Variants in SH3RF3 observed in about 807,000 individuals in gnomAD.
The protein encoded by SH3RF3 is E3 ubiquitin-protein ligase SH3RF3.
A neutral mutation model predicts 66.3 loss-of-function variants in SH3RF3; 29 were observed. That is an observed-to-expected ratio of 0.44 (90% confidence interval 0.33 to 0.60). The LOEUF is 0.60. Ranked by LOEUF, SH3RF3 falls within the 20% of genes least tolerant of loss-of-function variation. The pLI is 0.04. For synonymous variants in SH3RF3, 583 were observed against 532.0 expected (o/e 1.10, Z -1.32); for missense variants, 1,194 against 1,190.9 (o/e 1.00, Z -0.04).
chr2:109,228,603 T>A lies in SH3RF3; in HGVS notation c.573+98490T>A, dbSNP rs575282996. ...AGGCTGCCTTCACTTCAGAGGCCAG[T>A]TGCAAGAGGTGTCTTCAGGTTACCT... On this transcript the variant is annotated intron_variant, in intron 1 of 9. Coordinates refer to ENST00000309415, the MANE Select transcript of SH3RF3 (RefSeq NM_001099289.3). Among the ~76,000 whole-genome samples, 4 of 152,304 alleles carry A rather than the reference T, an allele frequency of 2.6e-5. No individual in the cohort carries two copies. The South Asian group carries it at 8.3e-4, about 32-fold the overall frequency.
At chr2:109,487,283 C>G (rs892263521) in intron 8 of SH3RF3, among the ~76,000 whole-genome samples, 2 of 152,232 alleles carry the variant, frequency 1.3e-5, no homozygotes, top group Non-Finnish European at 2.9e-5. Context: ...GAGCCTCTCC[C>G]CGAGTACATG....
intron 4 of SH3RF3, among the ~76,000 whole-genome samples, chr2:109,402,236 G>C (rs933199751): frequency 3.3e-5 from 5 of 152,254 alleles, no homozygotes; most frequent in African/African-American, 4.8e-5. Flanking sequence ...CGTCTGACCA[G>C]GAAGTGCCTG....
At chr2:109,325,736 G>A (rs1464503726) in intron 1 of SH3RF3, among the ~76,000 whole-genome samples, 2 of 152,154 alleles carry the variant, frequency 1.3e-5, no homozygotes, top group Admixed American at 1.3e-4. Context: ...TCCTTGGAAT[G>A]TCCTGCAGAC....
At chr2:109,136,170 T>C (rs1418184262) in intron 1 of SH3RF3, among the ~76,000 whole-genome samples, 4 of 152,220 alleles carry the variant, frequency 2.6e-5, no homozygotes, top group African/African-American at 7.2e-5. Flanking sequence ...CATTTCCGTT[T>C]GATCTGTATT....
At chr2:109,373,132 A>G (rs559088549) in intron 3 of SH3RF3, among the ~76,000 whole-genome samples, 3 of 151,592 alleles carry the variant, frequency 2.0e-5, no homozygotes, top group East Asian at 1.9e-4. Flanking sequence ...ACACACACAC[A>G]CTCTCCTGTA....
intron 6 of SH3RF3, among the ~76,000 whole-genome samples, chr2:109,434,788 C>A (rs187855785): frequency 2.0e-4 from 30 of 152,380 alleles, no homozygotes; most frequent in Non-Finnish European, 2.9e-4. Flanking sequence ...ATAGCCATCT[C>A]CAGCCTTGTT....
At chr2:109,156,227 G>A (rs2104889960) in intron 1 of SH3RF3, among the ~76,000 whole-genome samples, 1 of 152,306 alleles carries the variant, frequency 6.6e-6, no homozygotes, top group Non-Finnish European at 1.5e-5. Flanking sequence ...GGGTTGAGGG[G>A]GCTGGCAGTG....
chr2:109,366,712 G>A (rs577260701), intron 2 of SH3RF3, among the ~76,000 whole-genome samples: 8 of 152,234 alleles, frequency 5.3e-5, no homozygotes, highest in African/African-American at 1.9e-4. Flanking sequence ...AATTAGCTGC[G>A]TGTGGTGGCA....
chr2:109,201,806 G>A (rs1012304893), intron 1 of SH3RF3, among the ~76,000 whole-genome samples: 2 of 152,222 alleles, frequency 1.3e-5, no homozygotes, highest in Non-Finnish European at 2.9e-5. Flanking sequence ...ATGCTGCTCA[G>A]CTGATCTCTT....
chr2:109,323,206 G>A (rs1682070963), intron 1 of SH3RF3, among the ~76,000 whole-genome samples: 1 of 152,186 alleles, frequency 6.6e-6, no homozygotes, highest in South Asian at 2.1e-4. Flanking sequence ...TGGGAAGGAG[G>A]GCCGGGGGCC....
intron 1 of SH3RF3, among the ~76,000 whole-genome samples, chr2:109,167,306 C>T (rs762508657): frequency 4.6e-5 from 7 of 152,184 alleles, no homozygotes; most frequent in South Asian, 2.1e-4. Flanking sequence ...TGCGGTAGAA[C>T]CAATTAGAAC....
intron 3 of SH3RF3, among the ~76,000 whole-genome samples, chr2:109,397,153 A>G (rs1676169460): frequency 6.6e-6 from 1 of 152,152 alleles, no homozygotes; most frequent in Non-Finnish European, 1.5e-5. Flanking sequence ...AGAATGTGCC[A>G]GGCCTGCACA....
chr2:109,292,885 A>G (rs1681221016), intron 1 of SH3RF3, among the ~76,000 whole-genome samples: 2 of 152,172 alleles, frequency 1.3e-5, no homozygotes, highest in African/African-American at 4.8e-5. Context: ...GGTGTGCACC[A>G]GCATGCCTGG....
At chr2:109,179,003 A>ATGTGTGTGTGTGTGTGTGTG (rs56236635) in intron 1 of SH3RF3, among the ~76,000 whole-genome samples, 126 of 142,170 alleles carry the variant, frequency 8.9e-4, no homozygotes, top group East Asian at 2.2e-3. Flanking sequence ...AAGTATAATA[A>ATGTGTGTGTGTGTGTGTGTG]TGTGTGTGTG....
chr2:109,218,886 A>T (rs1679161807), intron 1 of SH3RF3, among the ~76,000 whole-genome samples: 1 of 152,238 alleles, frequency 6.6e-6, no homozygotes, highest in Admixed American at 6.5e-5. Context: ...AAAAATATAT[A>T]GGTGGAGAAA....
intron 1 of SH3RF3, among the ~76,000 whole-genome samples, chr2:109,193,615 A>G (rs1678423388): frequency 6.6e-6 from 1 of 152,078 alleles, no homozygotes; most frequent in African/African-American, 2.4e-5. Flanking sequence ...ATTCTGTTGT[A>G]TGGATGCACC....
chr2:109,491,728 G>C (rs1679135367), intron 9 of SH3RF3, among the ~76,000 whole-genome samples: 1 of 152,146 alleles, frequency 6.6e-6, no homozygotes, highest in African/African-American at 2.4e-5. Flanking sequence ...AGGTTAGGAT[G>C]GTAGAAAGAT....
chr2:109,129,472 C>T lies in SH3RF3; in HGVS notation c.-69C>T, dbSNP rs1053844694. The T allele has an allele frequency of 6.7e-6, 10 of 1,495,184 alleles. No individual in the cohort carries two copies. Among genetic ancestry groups the T allele is most frequent in the Admixed American group, 6.3e-5 (3 of 47,848 alleles). 92.6% of individuals were successfully genotyped at this position (1,495,184 alleles called of 1,614,324 possible). The stretch of plus-strand genomic sequence containing the variant: ...GGCTCCCCAGTCCTGATGCTGGCTG[C>T]CGGTGGCGGGCTCCACGCCGGCCCC... On this transcript the variant is annotated 5_prime_UTR_variant, in exon 1 of 10. Coordinates refer to ENST00000309415, the MANE Select transcript of SH3RF3 (RefSeq NM_001099289.3).
In SH3RF3 at chr2:109,432,540, C is replaced by T. The variant is rs752958772; in HGVS notation, c.1443C>T (p.Asp481=). The T allele has an allele frequency of 4.5e-5, 73 of 1,613,524 alleles. No individual in the cohort carries two copies. Among genetic ancestry groups the T allele is most frequent in the East Asian group, 1.3e-4 (6 of 44,886 alleles). ...ACGCCTACAAGCCCCAGAAGAGTGA[C>T]GAGCTGGAGCTGCACAAGGGAGAGA... ...ALYAYKPQKS[D]ELELHKGEMY... Residue 481 remains aspartate (D), a synonymous_variant, in exon 6 of 10, where the codon GAC becomes GAT. Coordinates refer to ENST00000309415, the MANE Select transcript of SH3RF3 (RefSeq NM_001099289.3).
Sources: allele counts gnomAD v4.1 joint callset (sites outside exome capture counted in the v4.1 genomes callset), GRCh38; gene constraint gnomAD v4.1.1; transcripts MANE v1.5; gene names NCBI Gene and HGNC (gene_info 2026-07-23, HGNC 2026-07-21).